Variants in DDX46 observed in about 807,000 individuals in gnomAD.
DDX46 encodes probable ATP-dependent RNA helicase DDX46.
A neutral mutation model predicts 134.9 loss-of-function variants in DDX46; 30 were observed. The observed-to-expected ratio is 0.22, with a 90% CI of 0.17 to 0.30. The LOEUF (loss-of-function observed/expected upper bound fraction) is 0.30. Ranked by LOEUF, DDX46 falls within the 10% of genes least tolerant of loss-of-function variation. DDX46 has a pLI of 1.00. For synonymous variants in DDX46, 415 were observed against 404.1 expected, an observed-to-expected ratio of 1.03 and a Z score of -0.32; for missense variants, 622 against 1,248.7, an observed-to-expected ratio of 0.50 and a Z score of 7.56.
At chr5:134,767,868 T>G (rs963047127) in intron 3 of DDX46, among the ~76,000 whole-genome samples, 1 of 151,210 alleles carries the variant, frequency 6.6e-6, no homozygotes, top group Non-Finnish European at 1.5e-5. Context: ...GAGAATCGCT[T>G]GAACCCAGGA....
intron 20 of DDX46, among the ~76,000 whole-genome samples, chr5:134,818,040 C>G (rs1755329512): frequency 6.6e-6 from 1 of 151,646 alleles, no homozygotes; most frequent in Admixed American, 6.6e-5. Flanking sequence ...ACCTCCGCCT[C>G]CCGGGTTCAA....
chr5:134,758,817 G>T lies in DDX46; in HGVS notation c.-122G>T, dbSNP rs562930240. On this transcript the variant is annotated 5_prime_UTR_variant, in exon 1 of 23. Coordinates refer to ENST00000452510, the MANE Select transcript of DDX46 (RefSeq NM_001300860.2). ...CCGCGCTGGGATGGCCGCCACAGCT[G>T]TAGGTGCTGCTAGTGTTTAGCGCTG... 1.4e-6 allele frequency: 2 copies of T among 1,480,578 alleles called. No homozygotes were observed. The highest frequency in any genetic ancestry group is 1.4e-5 in the African/African-American group (1 of 72,226). The allele number at this position is 1,480,578 out of a possible 1,614,324, so 91.7% of individuals were successfully genotyped here. A position where few individuals can be genotyped will look rare whatever the true frequency, so the allele number is the denominator to read the frequency against.
Position 134,813,034 on chromosome 5 carries a change from C to G in DDX46, c.2436+1189C>G, listed in dbSNP as rs184362263. Among the ~76,000 whole-genome samples, 556 of 152,156 alleles carry G rather than the reference C, an allele frequency of 3.7e-3. 3 individuals are homozygous for G. The highest frequency in any genetic ancestry group is 0.013 in the African/African-American group (532 of 41,520). On this transcript the variant is annotated intron_variant, in intron 18 of 22. Transcript: ENST00000452510. ...TTGGCTCACTGCAACCTCTGCCTCT[C>G]AGGTTCAAGTGGTTCTCCTGCCTCA...
Position 134,788,578 on chromosome 5 carries a change from A to G in DDX46, c.1530A>G (p.Leu510=), listed in dbSNP as rs754397933. 6.2e-7 allele frequency: 1 copy of G among 1,613,852 alleles called. No individual in the cohort carries two copies. ...VCTPGRMIDM[L]AANSGRVTNL... is the part of the protein sequence containing the mutation. ...CACCTGGTCGAATGATTGACATGTT[A>G]GCCGCTAACAGTGGTAAGTCAGGGG... The change falls in exon 12 of 23, where the codon TTA becomes TTG. Residue 510 remains leucine, a synonymous_variant. Coordinates refer to ENST00000452510, the MANE Select transcript of DDX46 (RefSeq NM_001300860.2).
intron 3 of DDX46, among the ~76,000 whole-genome samples, chr5:134,768,499 A>G (rs1297773252): frequency 1.3e-5 from 2 of 151,372 alleles, no homozygotes; most frequent in Non-Finnish European, 2.9e-5. Flanking sequence ...AAGCAATTCC[A>G]AGCAAAGACC....
rs254708 is a variant in DDX46 at position 134,771,941 on chromosome 5, C to T, written c.447+942C>T. 7.7e-3 allele frequency among the ~76,000 whole-genome samples: 1,168 copies of T among 152,184 alleles called. 8 individuals are homozygous for T. Among genetic ancestry groups the T allele is most frequent in the East Asian group, 0.046 (239 of 5,168 alleles). ...CCTTCCAAAAAATTTGTATAAATTT[C>T]GACTTAAGGCTGGGCACAGTGGCTC... is the stretch of plus-strand genomic sequence containing the variant. On this transcript the variant is annotated intron_variant, in intron 4 of 22. Coordinates refer to ENST00000452510, the MANE Select transcript of DDX46 (RefSeq NM_001300860.2).
intron 6 of DDX46, among the ~76,000 whole-genome samples, chr5:134,778,957 T>G (rs1754042980): frequency 6.6e-6 from 1 of 151,964 alleles, no homozygotes; most frequent in Admixed American, 6.6e-5. Context: ...AATGCAGTGG[T>G]GTAATCTCGG....
At position 134,777,456 on chromosome 5, in the gene DDX46, A is replaced by C. The variant is rs190896328; in HGVS notation, c.614-118A>C. The stretch of plus-strand genomic sequence containing the variant: ...TTTGAACTGATGGATGGCTGGAGTA[A>C]TTGGAAAAGGGGTGTTTGGGCAGTG... On this transcript the variant is annotated intron_variant, in intron 5 of 22. Coordinates refer to ENST00000452510, the MANE Select transcript of DDX46 (RefSeq NM_001300860.2). 9.7e-6 allele frequency: 11 copies of C among 1,134,048 alleles called. No individual in the cohort carries two copies. In the East Asian group the frequency reaches 2.8e-4, roughly 29 times the overall value. 70.2% of individuals were successfully genotyped at this position (1,134,048 alleles called of 1,614,324 possible). A position where few individuals can be genotyped will look rare whatever the true frequency, so the allele number is the denominator to read the frequency against.
At position 134,781,984 on chromosome 5, in the gene DDX46, C is replaced by T. The variant is rs746734262; in HGVS notation, c.943C>T (p.Arg315Ter). The T allele has an allele frequency of 6.2e-7, 1 of 1,611,052 alleles. No individual in the cohort carries two copies. ...CCTTACAGGGTATCAAACAAAACAG[C>T]GAAAGCTTCTAGAACCAGTTGATCA... ...TALTGYQTKQ[R>*]KLLEPVDHGK... is the part of the protein sequence containing the mutation. The change falls in exon 8 of 23, where the codon CGA becomes TGA. Residue 315 changes from arginine (R) to a stop codon, truncating the protein, a stop_gained. Coordinates refer to ENST00000452510, the MANE Select transcript of DDX46 (RefSeq NM_001300860.2). LOFTEE classifies it high-confidence loss of function.
chr5:134,764,045 T>C lies in DDX46; in HGVS notation c.159T>C (p.Arg53=). The stretch of plus-strand genomic sequence containing the variant: ...GAGATAGGAGGAGAGAGAGGTCTCG[T>C]AGCAGGGATAAAAGAAGATCTCGGT... ...RDRDRRRERS[R]SRDKRRSRSR... is the part of the protein sequence containing the mutation. Residue 53 remains arginine, a synonymous_variant, in exon 2 of 23, where the codon CGT becomes CGC. Transcript: ENST00000452510. The C allele has an allele frequency of 6.2e-7, 1 of 1,614,034 alleles. No individual in the cohort carries two copies. The highest frequency in any genetic ancestry group is 8.5e-7 in the Non-Finnish European group (1 of 1,179,980).
chr5:134,811,216 A>G lies in DDX46; in HGVS notation c.2149-5A>G. The G allele has an allele frequency of 3.1e-6, 5 of 1,613,220 alleles. No homozygotes were observed. The highest frequency in any genetic ancestry group is 3.4e-6 in the Non-Finnish European group (4 of 1,179,626). ...TAATAATTGTACTTTTTCATCATGC[A>G]TTAGGGTTATGCTTATACTTTTATC... On this transcript the variant is annotated splice_polypyrimidine_tract_variant and splice_region_variant and intron_variant, in intron 16 of 22. Transcript: ENST00000452510.
chr5:134,824,138 G>C (rs1027844755), intron 21 of DDX46, among the ~76,000 whole-genome samples: 2 of 152,140 alleles, frequency 1.3e-5, no homozygotes, highest in African/African-American at 4.8e-5. Flanking sequence ...TGATTCCACA[G>C]CTCCGATGTA....
chr5:134,779,383 A>G (rs1416614357), intron 6 of DDX46, among the ~76,000 whole-genome samples: 2 of 146,978 alleles, frequency 1.4e-5, no homozygotes, highest in Non-Finnish European at 3.0e-5. Flanking sequence ...TAGTAGAGAC[A>G]GGGTTTCACC....
rs1755697121 is a variant in DDX46 at position 134,830,167 on chromosome 5, T to TAAAAAAA, written c.*1462_*1463insAAAAAAA. 1 of 49,590 alleles carries TAAAAAAA rather than the reference T, an allele frequency of 2.0e-5. No individual in the cohort carries two copies. Among genetic ancestry groups the TAAAAAAA allele is most frequent in the Non-Finnish European group, 4.3e-5 (1 of 23,426 alleles). 3.1% of individuals were successfully genotyped at this position (49,590 alleles called of 1,614,324 possible). A position where few individuals can be genotyped will look rare whatever the true frequency, so the allele number is the denominator to read the frequency against. On this transcript the variant is annotated 3_prime_UTR_variant, in exon 23 of 23. Coordinates refer to ENST00000452510, the MANE Select transcript of DDX46 (RefSeq NM_001300860.2). The stretch of plus-strand genomic sequence containing the variant: ...GATTAAACCAACCACAGATCAAAAA[T>TAAAAAAA]AGAAAAAAAAAAAAAAAGAAAAAAA...
chr5:134,801,214 T>G (rs1214494258), intron 15 of DDX46, among the ~76,000 whole-genome samples: 1 of 151,900 alleles, frequency 6.6e-6, no homozygotes, highest in African/African-American at 2.4e-5. Context: ...GGCGGAGGTT[T>G]CAGTGAGCCG....
chr5:134,815,187 G>A (rs1016156530), intron 18 of DDX46, among the ~76,000 whole-genome samples: 3 of 152,128 alleles, frequency 2.0e-5, no homozygotes, highest in Non-Finnish European at 2.9e-5. Flanking sequence ...AGTTAAAGGC[G>A]ACCCTGTCTC....
At chr5:134,800,972 G>A (rs527905344) in intron 15 of DDX46, among the ~76,000 whole-genome samples, 1 of 152,016 alleles carries the variant, frequency 6.6e-6, no homozygotes, top group South Asian at 2.1e-4. Flanking sequence ...ACCACACCTG[G>A]CCTCATGTAT....
At position 134,780,872 on chromosome 5, in the gene DDX46, C is replaced by CAAA. The variant is rs149785066; in HGVS notation, c.766-255_766-253dup. ...TAGCATGACTCTTTCTACTAAAAAA[C>CAAA]AAAAAAAATTAACTGGGTTTGGTGA... On this transcript the variant is annotated intron_variant, in intron 6 of 22. Coordinates refer to ENST00000452510, the MANE Select transcript of DDX46 (RefSeq NM_001300860.2). The CAAA allele has an allele frequency of 9.2e-3, 2,005 of 218,196 alleles. 34 individuals are homozygous for CAAA. The highest frequency in any genetic ancestry group is 0.045 in the African/African-American group (1,920 of 42,260). 13.5% of individuals were successfully genotyped at this position (218,196 alleles called of 1,614,324 possible). A position where few individuals can be genotyped will look rare whatever the true frequency, so the allele number is the denominator to read the frequency against.
chr5:134,782,503 T>C (rs1305490569), intron 8 of DDX46, among the ~76,000 whole-genome samples: 1 of 151,534 alleles, frequency 6.6e-6, no homozygotes, highest in African/African-American at 2.4e-5. Flanking sequence ...TAAAAAAAAT[T>C]GTTGGTTTTG....
Sources: gnomAD v4.1 joint callset for allele counts (sites outside exome capture counted in the v4.1 genomes callset) on GRCh38, gnomAD v4.1.1 for gene constraint, MANE v1.5 for transcripts, NCBI Gene and HGNC (gene_info 2026-07-23, HGNC 2026-07-21) for gene names.